The following NEK11 variants were observed in gnomAD, a reference collection of about 807,000 sequenced individuals.
The protein encoded by NEK11 is NIMA related kinase 11.
NEK11 carries 72 observed loss-of-function variants against 80.7 expected under a neutral mutation model. The ratio of observed to expected loss-of-function variants is 0.89; its 90% confidence interval spans 0.74 to 1.08. The LOEUF (loss-of-function observed/expected upper bound fraction) is 1.08. Among genes scored for constraint, NEK11 ranks in the 50% least tolerant of loss-of-function variants. NEK11 has a pLI of 0.00. For synonymous variants in NEK11, 251 were observed against 260.7 expected, an observed-to-expected ratio of 0.96 and a Z score of 0.36; for missense variants, 764 against 763.6, an observed-to-expected ratio of 1.00 and a Z score of -0.01.
chr3:131,241,175 G>A (rs924285022), intron 15 of NEK11, among the ~76,000 whole-genome samples: 1 of 152,082 alleles, frequency 6.6e-6, no homozygotes, highest in Non-Finnish European at 1.5e-5. Context: ...GGAAGTGCAG[G>A]AGTGTAGAGA....
At chr3:131,059,649 G>A (rs2070431433) in intron 3 of NEK11, among the ~76,000 whole-genome samples, 2 of 152,132 alleles carry the variant, frequency 1.3e-5, no homozygotes, top group African/African-American at 2.4e-5. Flanking sequence ...TTGTATCAAA[G>A]TATGCACACA....
chr3:131,162,517 A>G lies in NEK11; in HGVS notation c.1072A>G (p.Arg358Gly). ...GCTCCAGGCGGCTGATGAGAAAGCC[A>G]GGAAGCTGAAGTAAGCTGCTTTTCC... ...RKLQAADEKA[R>G]KLKKIVEEKY... The change falls in exon 11 of 18, where the codon AGG (arginine) becomes GGG (glycine). Residue 358 changes from arginine to glycine, a missense_variant. Transcript: ENST00000383366. The G allele has an allele frequency of 6.2e-7, 1 of 1,614,094 alleles. No individual in the cohort carries two copies. Among genetic ancestry groups the G allele is most frequent in the East Asian group, 2.2e-5 (1 of 44,888 alleles).
chr3:131,253,676 T>C (rs1241957664), intron 16 of NEK11, among the ~76,000 whole-genome samples: 1 of 152,172 alleles, frequency 6.6e-6, no homozygotes, highest in African/African-American at 2.4e-5. Context: ...TACAGAATAC[T>C]GTGATGAGTA....
At chr3:131,252,823 GC>G (rs1174144163) in intron 16 of NEK11, among the ~76,000 whole-genome samples, 1 of 152,100 alleles carries the variant, frequency 6.6e-6, no homozygotes, top group Non-Finnish European at 1.5e-5. Context: ...TAATCTTTAA[GC>G]CTTGAAAGGA....
chr3:131,102,048 C>G (rs561421667), intron 4 of NEK11, among the ~76,000 whole-genome samples: 40 of 152,194 alleles, frequency 2.6e-4, no homozygotes, highest in African/African-American at 9.1e-4. Flanking sequence ...GACTCCTGCT[C>G]TTTTTTGTTT....
intron 16 of NEK11, among the ~76,000 whole-genome samples, chr3:131,249,954 C>CA (rs1414192010): frequency 6.6e-6 from 1 of 151,454 alleles, no homozygotes; most frequent in African/African-American, 2.4e-5. Flanking sequence ...ACAATGTAGA[C>CA]AAGAAAATAA....
chr3:131,135,327 T>G (rs908866589), intron 7 of NEK11, among the ~76,000 whole-genome samples: 1 of 152,170 alleles, frequency 6.6e-6, no homozygotes, highest in African/African-American at 2.4e-5. Context: ...GGAGGTCTTT[T>G]CCAATTCACC....
chr3:131,066,843 AAAAAAAAAAAAAAAAG>A (rs1037751702), intron 3 of NEK11, among the ~76,000 whole-genome samples: 1 of 149,584 alleles, frequency 6.7e-6, no homozygotes, highest in African/African-American at 2.4e-5. Context: ...CTTGTCTCAA[AAAAAAAAAAAAAAAAG>A]AAAAGAAAAA....
chr3:131,179,859 A>G (rs1297615914), intron 14 of NEK11, among the ~76,000 whole-genome samples: 2 of 152,192 alleles, frequency 1.3e-5, no homozygotes, highest in Non-Finnish European at 2.9e-5. Flanking sequence ...TTCAAAATTG[A>G]TGGTGTCTTT....
intron 14 of NEK11, among the ~76,000 whole-genome samples, chr3:131,172,198 G>A (rs1162359307): frequency 6.6e-6 from 1 of 152,210 alleles, no homozygotes; most frequent in Non-Finnish European, 1.5e-5. Context: ...TAGCCTCTGA[G>A]AGAATGCAGA....
chr3:131,090,342 A>G (rs2076545950), intron 4 of NEK11, among the ~76,000 whole-genome samples: 1 of 152,246 alleles, frequency 6.6e-6, no homozygotes, highest in African/African-American at 2.4e-5. Context: ...GTTAACATCA[A>G]GTCTTTTATT....
chr3:131,089,190 C>T (rs1376523569), intron 4 of NEK11, among the ~76,000 whole-genome samples: 1 of 152,170 alleles, frequency 6.6e-6, no homozygotes, highest in Non-Finnish European at 1.5e-5. Context: ...CATGGACCAC[C>T]TGTCCTAGAG....
At chr3:131,255,080 G>GAAAGAAAGAAAGAAAGAAAT (rs1361898820) in intron 16 of NEK11, among the ~76,000 whole-genome samples, 4 of 23,482 alleles carry the variant, frequency 1.7e-4, no homozygotes, top group African/African-American at 8.0e-4. Context: ...CAGAAAGAAG[G>GAAAGAAAGAAAGAAAGAAAT]AAAGAAAGAA....
intron 2 of NEK11, among the ~76,000 whole-genome samples, chr3:131,029,004 A>G (rs2064377310): frequency 6.6e-6 from 1 of 152,258 alleles, no homozygotes; most frequent in Non-Finnish European, 1.5e-5. Context: ...CAGAGAGATT[A>G]TACACAATGT....
At chr3:131,058,662 C>G (rs2070162548) in intron 3 of NEK11, among the ~76,000 whole-genome samples, 1 of 152,156 alleles carries the variant, frequency 6.6e-6, no homozygotes, top group African/African-American at 2.4e-5. Context: ...TTAAGAGATT[C>G]ATACTACAGT....
chr3:131,117,029 T>G (rs2081351238), intron 5 of NEK11, among the ~76,000 whole-genome samples: 1 of 152,222 alleles, frequency 6.6e-6, no homozygotes, highest in Non-Finnish European at 1.5e-5. Flanking sequence ...GCTTTTGGTG[T>G]TTTAGTCATG....
intron 5 of NEK11, among the ~76,000 whole-genome samples, chr3:131,124,863 C>G (rs1560525039): frequency 6.6e-6 from 1 of 152,010 alleles, no homozygotes; most frequent in Non-Finnish European, 1.5e-5. Flanking sequence ...TCAAAGAGAC[C>G]TCAGTTTGAA....
Position 131,349,647 on chromosome 3 carries a change from G to T in NEK11, c.1809G>T (p.Glu603Asp), listed in dbSNP as rs199921632. 6.2e-7 allele frequency: 1 copy of T among 1,614,168 alleles called. No individual in the cohort carries two copies. The highest frequency in any genetic ancestry group is 8.5e-7 in the Non-Finnish European group (1 of 1,180,002). The change falls in exon 18 of 18, where the codon GAG becomes GAT. Residue 603 changes from glutamate to aspartate, a missense_variant. Glu to Asp is a conservative substitution (Grantham distance 45, BLOSUM62 2). Coordinates refer to ENST00000383366, the MANE Select transcript of NEK11 (RefSeq NM_024800.5). ...RARHQNASEA[E>D]IRECLEKVVP... The stretch of plus-strand genomic sequence containing the variant: ...GGCATCAGAATGCTAGCGAAGCAGA[G>T]ATCCGCGAGTGTTTGGAAAAAGTGG...
At chr3:131,125,251 TTTC>T (rs1161585230) in intron 5 of NEK11, among the ~76,000 whole-genome samples, 1 of 152,206 alleles carries the variant, frequency 6.6e-6, no homozygotes, top group African/African-American at 2.4e-5. Flanking sequence ...ATGAGTGACT[TTTC>T]TTTAAAATGT....
Sources: allele counts gnomAD v4.1 joint callset (sites outside exome capture counted in the v4.1 genomes callset), GRCh38; gene constraint gnomAD v4.1.1; transcripts MANE v1.5; gene names NCBI Gene and HGNC (gene_info 2026-07-23, HGNC 2026-07-21).